Variants in SLFN12 observed in about 807,000 individuals in gnomAD.
SLFN12 encodes schlafen family member 12.
Under a neutral mutation model 29.1 loss-of-function variants are expected in SLFN12, and 25 were observed. That is an observed-to-expected ratio of 0.86 (90% CI 0.63 to 1.20). The LOEUF is 1.20. Among genes scored for constraint, SLFN12 ranks in the 50% most tolerant of loss-of-function variants. The pLI, the probability that SLFN12 is intolerant of heterozygous loss-of-function variation, is 0.00. For missense variants in SLFN12, 660 were observed against 666.2 expected (o/e 0.99, Z 0.10); for synonymous variants, 257 against 238.7 (o/e 1.08, Z -0.71).
chr17:35,413,898 C>T (rs772298), intron 3 of SLFN12, among the ~76,000 whole-genome samples: 116,339 of 151,932 alleles, frequency 0.77, 44,783 homozygotes, highest in East Asian at 0.93. Flanking sequence ...CTCATATTAA[C>T]GGATACAGAA....
chr17:35,420,174 A>G lies in SLFN12; in HGVS notation c.1147+100T>C, dbSNP rs577737999. On this transcript the variant is annotated intron_variant, in intron 3 of 3. Coordinates refer to ENST00000304905, the MANE Select transcript of SLFN12 (RefSeq NM_018042.5). ...CCAAAGAATTCTCATAAACACAAGA[A>G]TGTGCTTTCAGAGCAAATTTCAAGA... 3.4e-5 allele frequency: 26 copies of G among 761,816 alleles called. No homozygotes were observed. The African/African-American group carries it at 4.3e-4, about 12-fold the overall frequency. 47.2% of individuals were successfully genotyped at this position (761,816 alleles called of 1,614,324 possible).
Position 35,411,944 on chromosome 17 carries a change from TA to T in SLFN12, c.1148-18del, listed in dbSNP as rs1412276792. The T allele has an allele frequency of 1.3e-6, 2 of 1,500,970 alleles. No individual in the cohort carries two copies. The allele number at this position is 1,500,970 out of a possible 1,614,324, so 93.0% of individuals were successfully genotyped here. A position where few individuals can be genotyped will look rare whatever the true frequency, so the allele number is the denominator to read the frequency against. ...CTGATAGCCCTGAATAAGGAAATAA[TA>T]ATAATAAATTATAAAACACTAGGAA... On this transcript the variant is annotated intron_variant, in intron 3 of 3. Coordinates refer to ENST00000304905, the MANE Select transcript of SLFN12 (RefSeq NM_018042.5).
At chr17:35,420,211 T>G (rs1352058355) in intron 3 of SLFN12, 63 bp downstream of exon 3, 9 of 1,180,728 alleles carry the variant, frequency 7.6e-6, no homozygotes, top group Non-Finnish European at 1.1e-5. Flanking sequence ...TGAGCTGGTT[T>G]GAAGAGAAAG....
chr17:35,427,466 A>G (rs1361786582), intron 1 of SLFN12, among the ~76,000 whole-genome samples: 1 of 152,146 alleles, frequency 6.6e-6, no homozygotes, highest in East Asian at 1.9e-4. Context: ...TTGTTGACAG[A>G]CAATGCAATC....
Position 35,422,148 on chromosome 17 carries a change from T to C in SLFN12, c.881A>G (p.Asp294Gly), listed in dbSNP as rs762961585. Residue 294 changes from aspartate to glycine, a missense_variant, in exon 2 of 4, where the codon GAT becomes GGT. Transcript: ENST00000304905. ...NYSCKFLGVY[D>G]KGSLCGYVCA... ...GACATATCCACAAAGACTTCCTTTA[T>C]CATATACTCCAAGGAATTTGCATGA... 8 of 1,614,124 alleles carry C rather than the reference T, an allele frequency of 5.0e-6. No homozygotes were observed. The highest frequency in any genetic ancestry group is 3.3e-4 in the Middle Eastern group (2 of 6,062).
intron 2 of SLFN12, chr17:35,420,612 T>C (rs1911572624): frequency 1.4e-5 from 5 of 365,600 alleles, no homozygotes; most frequent in Non-Finnish European, 1.5e-5. Flanking sequence ...AATGCATTAA[T>C]AGTAATTTAA....
chr17:35,411,589 T>C lies in SLFN12; in HGVS notation c.1486A>G (p.Lys496Glu). ...GYTKKVCVMTKIFYLSPEGMT... is the reference protein window; with the variant it reads ...GYTKKVCVMTEIFYLSPEGMT... Reference sequence around the variant, plus strand: ...CCTTCAGGGCTCAAGTAGAAGATCTTTGTCATGACACACACTTTTTTAGTG... The same window carrying C: ...CCTTCAGGGCTCAAGTAGAAGATCTCTGTCATGACACACACTTTTTTAGTG... The change falls in exon 4 of 4, where the codon AAG becomes GAG. Residue 496 changes from lysine (K) to glutamate (E), a missense_variant. By Grantham distance (56) the Lys-to-Glu change is moderately conservative (BLOSUM62 1). Transcript: ENST00000304905. 6.2e-7 allele frequency: 1 copy of C among 1,614,082 alleles called. No individual in the cohort carries two copies. The highest frequency in any genetic ancestry group is 8.5e-7 in the Non-Finnish European group (1 of 1,180,000).
chr17:35,412,136 G>C (rs1911066688), intron 3 of SLFN12, among the ~76,000 whole-genome samples: 1 of 152,080 alleles, frequency 6.6e-6, no homozygotes, highest in African/African-American at 2.4e-5. Flanking sequence ...GTGAAACACA[G>C]AAAGTAGCTT....
intron 3 of SLFN12, 71 bp from the exon 4 acceptor site, chr17:35,411,998 C>A: frequency 8.2e-7 from 1 of 1,218,560 alleles, no homozygotes; most frequent in Non-Finnish European, 1.1e-6. Flanking sequence ...GGCAAAGTAG[C>A]TTGTAAAAAA....
At chr17:35,428,932 A>G (rs988155754) in intron 1 of SLFN12, among the ~76,000 whole-genome samples, 1 of 152,048 alleles carries the variant, frequency 6.6e-6, no homozygotes, top group Non-Finnish European at 1.5e-5. Context: ...TGTTGACCAG[A>G]CAGAAGAGAT....
At chr17:35,417,867 TACA>T (rs1031987137) in intron 3 of SLFN12, among the ~76,000 whole-genome samples, 3 of 151,906 alleles carry the variant, frequency 2.0e-5, no homozygotes, top group African/African-American at 7.2e-5. Context: ...AAAATATCTT[TACA>T]ACAACAAAAA....
intron 1 of SLFN12, among the ~76,000 whole-genome samples, chr17:35,425,838 CT>C (rs58492425): frequency 0.094 from 3,702 of 39,194 alleles, 21 homozygotes; most frequent in East Asian, 0.14. Context: ...CTTTTCTTTT[CT>C]TTTTTTTTTT....
chr17:35,423,295 G>T (rs910415358), intron 1 of SLFN12, among the ~76,000 whole-genome samples: 3 of 152,068 alleles, frequency 2.0e-5, no homozygotes, highest in Non-Finnish European at 4.4e-5. Context: ...TTCTAATTAT[G>T]TAATCTCTTT....
chr17:35,422,665 A>G lies in SLFN12; in HGVS notation c.364T>C (p.Leu122=). 1 of 1,613,934 alleles carries G rather than the reference A, an allele frequency of 6.2e-7. No homozygotes were observed. The highest frequency in any genetic ancestry group is 8.5e-7 in the Non-Finnish European group (1 of 1,179,906). ...TCTCTTTTGTACAAATTGGAGCTCA[A>G]GGTGGTAATCCGCAGACCAGAGGTG... is the stretch of plus-strand genomic sequence containing the variant. ...LNTSGLRITT[L]SSNLYKRDIT... Residue 122 remains leucine, a synonymous_variant, in exon 2 of 4, where the codon TTG becomes CTG. Coordinates refer to ENST00000304905, the MANE Select transcript of SLFN12 (RefSeq NM_018042.5).
chr17:35,414,310 C>G (rs1176423715), intron 3 of SLFN12, among the ~76,000 whole-genome samples: 1 of 151,922 alleles, frequency 6.6e-6, no homozygotes, highest in Non-Finnish European at 1.5e-5. Context: ...GTAGCATTTC[C>G]ATACACTAAC....
Position 35,411,233 on chromosome 17 carries a change from T to C in SLFN12, c.*105A>G. 1 of 814,234 alleles carries C rather than the reference T, an allele frequency of 1.2e-6. No homozygotes were observed. The highest frequency in any genetic ancestry group is 2.6e-5 in the East Asian group (1 of 38,784). 50.4% of individuals were successfully genotyped at this position (814,234 alleles called of 1,614,324 possible). ...AAAACCCAATTATCCAACATCACATTAAGTTGCTTAACTTGCAAAGTTTTC... is the reference window on the plus strand; with the variant it reads ...AAAACCCAATTATCCAACATCACATCAAGTTGCTTAACTTGCAAAGTTTTC... On this transcript the variant is annotated 3_prime_UTR_variant, in exon 4 of 4. Transcript: ENST00000304905.
At chr17:35,428,638 A>G (rs976603206) in intron 1 of SLFN12, among the ~76,000 whole-genome samples, 1 of 152,094 alleles carries the variant, frequency 6.6e-6, no homozygotes, top group East Asian at 1.9e-4. Flanking sequence ...AAGCATTTGC[A>G]TATGACCCAG....
intron 2 of SLFN12, among the ~76,000 whole-genome samples, chr17:35,421,754 A>T (rs1482977001): frequency 6.6e-6 from 1 of 151,656 alleles, no homozygotes; most frequent in Non-Finnish European, 1.5e-5. Context: ...TTAGCCAGGG[A>T]TGGTCTCTAT....
Position 35,422,155 on chromosome 17 carries a change from C to T in SLFN12, c.874G>A (p.Val292Ile), listed in dbSNP as rs2087372223. 1 of 1,613,978 alleles carries T rather than the reference C, an allele frequency of 6.2e-7. No individual in the cohort carries two copies. The highest frequency in any genetic ancestry group is 1.3e-5 in the African/African-American group (1 of 74,944). The change falls in exon 2 of 4, where the codon GTA becomes ATA. Residue 292 changes from valine to isoleucine, a missense_variant. Physicochemically the swap from Val to Ile is conservative, Grantham distance 29. Coordinates refer to ENST00000304905, the MANE Select transcript of SLFN12 (RefSeq NM_018042.5). Reference protein sequence around the residue: ...KINYSCKFLGVYDKGSLCGYV... With the variant: ...KINYSCKFLGIYDKGSLCGYV... ...CCACAAAGACTTCCTTTATCATATA[C>T]TCCAAGGAATTTGCATGAATAATTT... is the stretch of plus-strand genomic sequence containing the variant.
Sources: allele counts gnomAD v4.1 joint callset (sites outside exome capture counted in the v4.1 genomes callset), GRCh38; gene constraint gnomAD v4.1.1; transcripts MANE v1.5; gene names NCBI Gene and HGNC (gene_info 2026-07-23, HGNC 2026-07-21).